ABHD16A: variants seen among roughly 807,000 people sequenced by gnomAD.
ABHD16A encodes phosphatidylserine lipase ABHD16A.
ABHD16A carries 47 observed loss-of-function variants against 89.8 expected under a neutral mutation model. The observed-to-expected ratio is 0.52, with a 90% CI of 0.41 to 0.67. The LOEUF (loss-of-function observed/expected upper bound fraction) is 0.67, where lower values mean the gene tolerates loss of function less well. Ranked by LOEUF, ABHD16A falls within the 30% of genes least tolerant of loss-of-function variation. The pLI is 0.00. For synonymous variants in ABHD16A, 251 were observed against 280.4 expected (o/e 0.90, Z 1.05); for missense variants, 580 against 734.6 (o/e 0.79, Z 2.43).
chr6:31,689,140 A>T, intron 12 of ABHD16A, 21 bp from the exon 13 acceptor site: 2 of 1,605,950 alleles, frequency 1.2e-6, no homozygotes, highest in Non-Finnish European at 8.5e-7. Context: ...GGCAGGGAAG[A>T]AGAGTAAGAA....
rs749561340 is a variant in ABHD16A at position 31,690,172 on chromosome 6, C to T, written c.908-45G>A. On this transcript the variant is annotated intron_variant, in intron 10 of 19. Transcript: ENST00000395952. The surrounding 1 kb of genome is among the most constrained non-coding windows in gnomAD (Gnocchi z 4.1). ...GGGACTGAGACCTTGTGGCCCACAG[C>T]CCTTTCTCCATCCCTGGGGGAAGGA... 2.6e-6 allele frequency: 4 copies of T among 1,519,832 alleles called. No individual in the cohort carries two copies. The African/African-American group carries it at 5.6e-5, about 21-fold the overall frequency. The allele number at this position is 1,519,832 out of a possible 1,614,324, so 94.1% of individuals were successfully genotyped here. A position where few individuals can be genotyped will look rare whatever the true frequency, so the allele number is the denominator to read the frequency against.
At chr6:31,689,153 G>A (rs1443095980) in intron 12 of ABHD16A, 34 bp from the exon 13 acceptor site, 1 of 1,585,534 alleles carries the variant, frequency 6.3e-7, no homozygotes, top group African/African-American at 1.3e-5. Flanking sequence ...AGTAAGAACT[G>A]AGAAAGGCTC....
rs753570813 is a variant in ABHD16A, at chr6:31,690,137, A to C, written c.908-10T>G. The C allele has an allele frequency of 1.3e-6, 2 of 1,585,432 alleles. No homozygotes were observed. Among genetic ancestry groups the C allele is most frequent in the Non-Finnish European group, 1.7e-6 (2 of 1,166,042 alleles). On this transcript the variant is annotated splice_polypyrimidine_tract_variant and intron_variant, in intron 10 of 19. Transcript: ENST00000395952. The surrounding 1 kb of genome is among the most constrained non-coding windows in gnomAD (Gnocchi z 4.1). ...AGGACTGAATATCCAGCTGTAACAC[A>C]GGGGGAGGAGGGACTGAGACCTTGT...
Position 31,687,219 on chromosome 6 carries a change from T to C in ABHD16A, c.1670A>G (p.His557Arg), listed in dbSNP as rs773600657. 6.8e-6 allele frequency: 11 copies of C among 1,612,512 alleles called. No individual in the cohort carries two copies. In the South Asian group the frequency reaches 1.2e-4, roughly 18 times the overall value. Residue 557 changes from histidine to arginine, a missense_variant, in exon 20 of 20, where the codon CAC becomes CGC. By Grantham distance (29) the His-to-Arg change is conservative (BLOSUM62 0). Transcript: ENST00000395952. This position sits in a 1 kb window ranked among gnomAD's most constrained non-coding sequence, Gnocchi z 6.3. ...ATGAGTCCCAGTTGGTCCCTAGAGGTGCCAGGGCATCTGGAAGTTCTGGGC... is the reference window on the plus strand; with the variant it reads ...ATGAGTCCCAGTTGGTCCCTAGAGGCGCCAGGGCATCTGGAAGTTCTGGGC... ...LPAQNFQMPWHL is the reference protein window; with the variant it reads ...LPAQNFQMPWRL
At chr6:31,692,910 C>T in intron 7 of ABHD16A, 117 bp downstream of exon 7, 1 of 1,400,272 alleles carries the variant, frequency 7.1e-7, no homozygotes. Context: ...TCTACACAAA[C>T]CATACAGCAC....
In ABHD16A at chr6:31,687,794, C is replaced by T. The variant is rs373829129; in HGVS notation, c.1447+30G>A. The stretch of plus-strand genomic sequence containing the variant: ...CAGCAACCTGACCTTGCTGGGCCCC[C>T]GCCCCAAGCCTCACTGGATCCCTTC... On this transcript the variant is annotated intron_variant, in intron 17 of 19. Coordinates refer to ENST00000395952, the MANE Select transcript of ABHD16A (RefSeq NM_021160.3). This position sits in a 1 kb window ranked among gnomAD's most constrained non-coding sequence, Gnocchi z 6.3. 2.4e-5 allele frequency: 38 copies of T among 1,612,778 alleles called. No individual in the cohort carries two copies. The highest frequency in any genetic ancestry group is 2.8e-5 in the Non-Finnish European group (33 of 1,179,970).
In ABHD16A at chr6:31,703,321, C is replaced by T; in HGVS notation, c.-40G>A. 1.5e-6 allele frequency: 2 copies of T among 1,330,334 alleles called. No individual in the cohort carries two copies. Among genetic ancestry groups the T allele is most frequent in the Admixed American group, 3.2e-5 (1 of 31,330 alleles). 82.4% of individuals were successfully genotyped at this position (1,330,334 alleles called of 1,614,324 possible). ...CCGCTGCTCTTCCAGCAGCAGGTCC[C>T]CCTGCCGGCCCCGCCCTCCCTGCCT... On this transcript the variant is annotated 5_prime_UTR_variant, in exon 1 of 20. Transcript: ENST00000395952.
At chr6:31,694,387 CTTTT>C (rs1190272819) in intron 5 of ABHD16A, among the ~76,000 whole-genome samples, 4 of 77,714 alleles carry the variant, frequency 5.1e-5, no homozygotes, top group African/African-American at 5.4e-5. Flanking sequence ...GGAGCTGTGT[CTTTT>C]TTTTTTTTTT....
Position 31,701,027 on chromosome 6 carries a change from AC to A in ABHD16A, c.257del (p.Gly86ValfsTer3). 6.2e-7 allele frequency: 1 copy of A among 1,612,588 alleles called. No individual in the cohort carries two copies. The highest frequency in any genetic ancestry group is 8.5e-7 in the Non-Finnish European group (1 of 1,178,776). On this transcript the variant is annotated frameshift_variant and splice_region_variant, in exon 4 of 20. Transcript: ENST00000395952. LOFTEE classifies it high-confidence loss of function. ...PFAFFYLYRK[G>X]YLSLSKVVPF... ...GCACCACTTTGGACAAACTCAAGTA[AC>A]CTGGGAAGGGAGAGGGACAATGTGA...
rs1803529893 is a variant in ABHD16A, at chr6:31,688,554, C to T, written c.1250+169G>A. On this transcript the variant is annotated intron_variant, in intron 14 of 19. Coordinates refer to ENST00000395952, the MANE Select transcript of ABHD16A (RefSeq NM_021160.3). The surrounding 1 kb of genome is among the most constrained non-coding windows in gnomAD (Gnocchi z 4.9). The stretch of plus-strand genomic sequence containing the variant: ...CAGATCCTGAGGTGGTCCAGAGTCC[C>T]AGGGGACCTGGGAGGGGTTAGGCCA... Among the ~76,000 whole-genome samples the T allele has an allele frequency of 6.6e-6, 1 of 152,250 alleles. No homozygotes were observed. Among genetic ancestry groups the T allele is most frequent in the Admixed American group, 6.5e-5 (1 of 15,290 alleles).
In ABHD16A at chr6:31,693,192, G is replaced by A; in HGVS notation, c.504-43C>T. ...GCAGGGAAGGATAGGGTCAGGAGCA[G>A]CAAGCTGGATGTCTGAGGTCTGGAG... On this transcript the variant is annotated intron_variant, in intron 6 of 19. Coordinates refer to ENST00000395952, the MANE Select transcript of ABHD16A (RefSeq NM_021160.3). This position sits in a 1 kb window ranked among gnomAD's most constrained non-coding sequence, Gnocchi z 5.0. 1 of 1,600,832 alleles carries A rather than the reference G, an allele frequency of 6.2e-7. No individual in the cohort carries two copies. The highest frequency in any genetic ancestry group is 8.5e-7 in the Non-Finnish European group (1 of 1,172,442).
Position 31,691,787 on chromosome 6 carries a change from G to A in ABHD16A, c.741+17C>T, listed in dbSNP as rs771693943. 1.4e-4 allele frequency: 222 copies of A among 1,601,398 alleles called. No individual in the cohort carries two copies. Among genetic ancestry groups the A allele is most frequent in the Non-Finnish European group, 1.8e-4 (211 of 1,173,444 alleles). The stretch of plus-strand genomic sequence containing the variant: ...GAGGGGAGGGCTTTAGGGGATGTGC[G>A]GGCAGGGAAGCCTCACCTCTTCCAC... On this transcript the variant is annotated intron_variant, in intron 8 of 19. Coordinates refer to ENST00000395952, the MANE Select transcript of ABHD16A (RefSeq NM_021160.3).
At chr6:31,701,118 CCT>C in intron 3 of ABHD16A, 90 bp from the exon 4 acceptor site, 5 of 1,364,908 alleles carry the variant, frequency 3.7e-6, no homozygotes, top group Non-Finnish European at 5.2e-6. Flanking sequence ...CCCCACACTC[CCT>C]GTTTGGAACA....
In ABHD16A at chr6:31,703,321, C is replaced by G; in HGVS notation, c.-40G>C. 1.5e-6 allele frequency: 2 copies of G among 1,330,334 alleles called. No individual in the cohort carries two copies. Among genetic ancestry groups the G allele is most frequent in the Non-Finnish European group, 1.9e-6 (2 of 1,029,564 alleles). The allele number at this position is 1,330,334 out of a possible 1,614,324, so 82.4% of individuals were successfully genotyped here. ...CCGCTGCTCTTCCAGCAGCAGGTCC[C>G]CCTGCCGGCCCCGCCCTCCCTGCCT... On this transcript the variant is annotated 5_prime_UTR_variant, in exon 1 of 20. Transcript: ENST00000395952.
Position 31,693,415 on chromosome 6 carries a change from G to A in ABHD16A, c.447C>T (p.Tyr149=), listed in dbSNP as rs560627684. The A allele has an allele frequency of 2.5e-5, 41 of 1,613,056 alleles. No individual in the cohort carries two copies. In the Middle Eastern group the frequency reaches 4.9e-4, roughly 19 times the overall value. The part of the protein sequence containing the change: ...SSENKRQLAN[Y]NFDFRSWPVD... ...CTGGCCAGCTCCGGAAGTCAAAGTT[G>A]TAGTTGGCAAGCTGCCTCTGCAGTG... The change falls in exon 6 of 20, where the codon TAC becomes TAT. Residue 149 remains tyrosine (Y), a synonymous_variant. Transcript: ENST00000395952. The surrounding 1 kb of genome is among the most constrained non-coding windows in gnomAD (Gnocchi z 5.0).
chr6:31,689,979 C>T (rs1803712501), intron 11 of ABHD16A, 99 bp downstream of exon 11: 1 of 1,360,654 alleles, frequency 7.3e-7, no homozygotes, highest in Non-Finnish European at 9.9e-7. Flanking sequence ...GAGTGGGACG[C>T]CTTCAAGAAA....
Position 31,693,213 on chromosome 6 carries a change from TGGA to T in ABHD16A, c.504-67_504-65del. ...AGCAGCAAGCTGGATGTCTGAGGTC[TGGA>T]GAACAGTGGGGTCTAGGAACGACAT... On this transcript the variant is annotated intron_variant, in intron 6 of 19. Coordinates refer to ENST00000395952, the MANE Select transcript of ABHD16A (RefSeq NM_021160.3). This position sits in a 1 kb window ranked among gnomAD's most constrained non-coding sequence, Gnocchi z 5.0. The T allele has an allele frequency of 6.3e-7, 1 of 1,591,782 alleles. No homozygotes were observed. The highest frequency in any genetic ancestry group is 1.7e-5 in the Admixed American group (1 of 58,384).
intron 5 of ABHD16A, among the ~76,000 whole-genome samples, chr6:31,695,837 C>A (rs181209711): frequency 3.3e-5 from 5 of 152,140 alleles, no homozygotes; most frequent in East Asian, 3.9e-4. Flanking sequence ...TCAAGACTAG[C>A]CTGGCCAACA....
chr6:31,693,556 G>T lies in ABHD16A; in HGVS notation c.430-124C>A. Reference sequence around the variant, plus strand: ...ACACATCATGGGGAAACCAAGCGGAGGTCAATACCCTCCCAATTCTCAGAT... The same window carrying T: ...ACACATCATGGGGAAACCAAGCGGATGTCAATACCCTCCCAATTCTCAGAT... On this transcript the variant is annotated intron_variant, in intron 5 of 19. Coordinates refer to ENST00000395952, the MANE Select transcript of ABHD16A (RefSeq NM_021160.3). The surrounding 1 kb of genome is among the most constrained non-coding windows in gnomAD (Gnocchi z 5.0). 1.2e-6 allele frequency: 1 copy of T among 845,106 alleles called. No homozygotes were observed. Among genetic ancestry groups the T allele is most frequent in the Non-Finnish European group, 1.9e-6 (1 of 528,282 alleles). The allele number at this position is 845,106 out of a possible 1,614,324, so 52.4% of individuals were successfully genotyped here.
Sources: gnomAD v4.1 joint callset for allele counts (sites outside exome capture counted in the v4.1 genomes callset) on GRCh38, gnomAD v4.1.1 for gene constraint, Gnocchi (gnomAD v3.1) non-coding constraint, MANE v1.5 for transcripts, NCBI Gene and HGNC (gene_info 2026-07-23, HGNC 2026-07-21) for gene names.